The following ABI1 variants were observed in gnomAD, a reference collection of about 807,000 sequenced individuals.
The protein encoded by ABI1 is Abelson interactor 1.
In ABI1, 14 loss-of-function variants were observed where a neutral mutation model predicts 54.6. The observed-to-expected ratio is 0.26, with a 90% CI of 0.17 to 0.40. The LOEUF is 0.40. Among genes scored for constraint, ABI1 ranks in the 10% least tolerant of loss-of-function variants. The pLI is 1.00. For missense variants in ABI1, 443 were observed against 598.3 expected (o/e 0.74, Z 2.71); for synonymous variants, 194 against 209.3 (o/e 0.93, Z 0.63).
intron 10 of ABI1, 105 bp from the exon 11 acceptor site, chr10:26,748,850 T>C (rs947188248): frequency 6.1e-6 from 5 of 823,260 alleles, no homozygotes; most frequent in Admixed American, 2.9e-5. Context: ...AAACTATTTT[T>C]ATGAAGATTT....
intron 1 of ABI1, among the ~76,000 whole-genome samples, chr10:26,855,217 T>C (rs1301756986): frequency 6.6e-6 from 1 of 152,238 alleles, no homozygotes; most frequent in Non-Finnish European, 1.5e-5. Context: ...TTTGGTGATA[T>C]AGGCAAGTCC....
At chr10:26,751,364 C>T (rs1274093404) in intron 10 of ABI1, among the ~76,000 whole-genome samples, 3 of 151,306 alleles carry the variant, frequency 2.0e-5, no homozygotes, top group Non-Finnish European at 4.4e-5. Flanking sequence ...CAGCTGAACG[C>T]ATATGTAGTT....
At chr10:26,766,416 T>A (rs1222824431) in intron 6 of ABI1, among the ~76,000 whole-genome samples, 1 of 152,232 alleles carries the variant, frequency 6.6e-6, no homozygotes, top group Non-Finnish European at 1.5e-5. Context: ...CCATATTATG[T>A]TTTAAAATCT....
At chr10:26,766,094 AAATT>A (rs1479810821) in intron 6 of ABI1, among the ~76,000 whole-genome samples, 3 of 152,196 alleles carry the variant, frequency 2.0e-5, no homozygotes, top group Admixed American at 6.5e-5. Flanking sequence ...TTCTAGTCTA[AAATT>A]AATATGAAAC....
In ABI1 at chr10:26,768,892, C is replaced by G; in HGVS notation, c.679G>C (p.Gly227Arg). 6.2e-7 allele frequency: 1 copy of G among 1,613,658 alleles called. No homozygotes were observed. The highest frequency in any genetic ancestry group is 8.5e-7 in the Non-Finnish European group (1 of 1,179,736). ...PARLGSQHSPGRTASLNQRPR... is the reference protein window; with the variant it reads ...PARLGSQHSPRRTASLNQRPR... The stretch of plus-strand genomic sequence containing the variant: ...CTCTGATTTAAAGATGCTGTCCTGC[C>G]TGGACTATGCTGACTTCCAAGCCTA... The change falls in exon 6 of 11, where the codon GGC becomes CGC. Residue 227 changes from glycine to arginine, a missense_variant. Transcript: ENST00000376140.
intron 9 of ABI1, among the ~76,000 whole-genome samples, chr10:26,755,157 G>A (rs527732140): frequency 2.0e-5 from 3 of 152,082 alleles, no homozygotes; most frequent in Admixed American, 6.5e-5. Flanking sequence ...GAACCTTTAC[G>A]TAGGTTCAAT....
intron 7 of ABI1, chr10:26,763,850 T>A: frequency 6.3e-7 from 1 of 1,581,060 alleles, no homozygotes; most frequent in Non-Finnish European, 8.7e-7. Flanking sequence ...TAAAGTGAGT[T>A]CAATGGCTCC....
intron 1 of ABI1, among the ~76,000 whole-genome samples, chr10:26,830,920 A>T (rs962017905): frequency 1.3e-5 from 2 of 152,098 alleles, no homozygotes; most frequent in African/African-American, 4.8e-5. Flanking sequence ...TTTTAAAGAC[A>T]GTGTCTTTCT....
chr10:26,853,311 T>A lies in ABI1; in HGVS notation c.117+7436A>T, dbSNP rs58113442. Among the ~76,000 whole-genome samples the A allele has an allele frequency of 3.5e-3, 369 of 104,764 alleles. 1 individual carries two copies. The highest frequency in any genetic ancestry group is 0.011 in the African/African-American group (215 of 18,844). 68.7% of individuals were successfully genotyped at this position (104,764 alleles called of 152,430 possible). On this transcript the variant is annotated intron_variant, in intron 1 of 10. Coordinates refer to ENST00000376140, the MANE Select transcript of ABI1 (RefSeq NM_001012750.3). ...TTCTCAACAATGCCCTTTTTTTTTT[T>A]TAAAAAAAATCCCTTTTTTCTAACA... is the stretch of plus-strand genomic sequence containing the variant.
chr10:26,832,466 C>T (rs535955034), intron 1 of ABI1, among the ~76,000 whole-genome samples: 1 of 152,048 alleles, frequency 6.6e-6, no homozygotes, highest in East Asian at 1.9e-4. Flanking sequence ...CGCCTGTAGT[C>T]CCAACTACCT....
chr10:26,823,381 G>A lies in ABI1; in HGVS notation c.118-76C>T. 1.9e-5 allele frequency: 21 copies of A among 1,131,100 alleles called. No homozygotes were observed. The South Asian group carries it at 5.0e-4, about 27-fold the overall frequency. The allele number at this position is 1,131,100 out of a possible 1,614,324, so 70.1% of individuals were successfully genotyped here. A position where few individuals can be genotyped will look rare whatever the true frequency, so the allele number is the denominator to read the frequency against. On this transcript the variant is annotated intron_variant, in intron 1 of 10. Transcript: ENST00000376140. ...AATATATATTCTATAGAAAGGCAAA[G>A]TTATATTATTTTACTAGAGAAATTC...
intron 2 of ABI1, among the ~76,000 whole-genome samples, chr10:26,786,052 A>G (rs760482711): frequency 1.3e-5 from 2 of 152,170 alleles, no homozygotes; most frequent in African/African-American, 2.4e-5. Context: ...ATGGAGGGCA[A>G]AATCTGACTC....
intron 2 of ABI1, among the ~76,000 whole-genome samples, chr10:26,796,340 G>C (rs562004390): frequency 2.6e-4 from 40 of 152,246 alleles, no homozygotes; most frequent in Admixed American, 6.5e-4. Flanking sequence ...AATAACAATA[G>C]TTCCATAAGA....
Position 26,746,635 on chromosome 10 carries a change from T to G in ABI1, c.*1935A>C. The G allele has an allele frequency of 1.4e-6, 1 of 711,282 alleles. No individual in the cohort carries two copies. Among genetic ancestry groups the G allele is most frequent in the Non-Finnish European group, 2.4e-6 (1 of 425,264 alleles). The allele number at this position is 711,282 out of a possible 1,614,324, so 44.1% of individuals were successfully genotyped here. A position where few individuals can be genotyped will look rare whatever the true frequency, so the allele number is the denominator to read the frequency against. ...ATTTTTTTTTATTGCAAAAGTTTTT[T>G]CAGAAAACTTTTTAAATGTAATTAA... On this transcript the variant is annotated 3_prime_UTR_variant, in exon 11 of 11. Transcript: ENST00000376140.
chr10:26,802,385 A>G (rs1321142867), intron 2 of ABI1, among the ~76,000 whole-genome samples: 1 of 152,218 alleles, frequency 6.6e-6, no homozygotes, highest in Non-Finnish European at 1.5e-5. Context: ...TGTCCTATCT[A>G]AAGTGGGTAG....
chr10:26,753,773 G>A (rs1349668767), intron 9 of ABI1, among the ~76,000 whole-genome samples: 1 of 152,148 alleles, frequency 6.6e-6, no homozygotes, highest in Non-Finnish European at 1.5e-5. Flanking sequence ...AAAGAAAACA[G>A]AAACCAAATA....
chr10:26,784,963 TG>T (rs1157343457), intron 2 of ABI1, among the ~76,000 whole-genome samples: 1 of 152,218 alleles, frequency 6.6e-6, no homozygotes, highest in Non-Finnish European at 1.5e-5. Context: ...GAAAGCCACC[TG>T]GCTCTCTTAG....
At chr10:26,779,867 A>T (rs1564488755) in intron 2 of ABI1, among the ~76,000 whole-genome samples, 2 of 152,156 alleles carry the variant, frequency 1.3e-5, no homozygotes, top group Non-Finnish European at 2.9e-5. Context: ...CAACCAGTCT[A>T]CAGACTCCTA....
At chr10:26,826,110 C>T (rs4749190) in intron 1 of ABI1, among the ~76,000 whole-genome samples, 10,334 of 152,234 alleles carry the variant, frequency 0.068, 391 homozygotes, top group East Asian at 0.14. Flanking sequence ...TTTCAATTTA[C>T]TTTTCCCAAG....
Sources: allele counts gnomAD v4.1 joint callset (sites outside exome capture counted in the v4.1 genomes callset), GRCh38; gene constraint gnomAD v4.1.1; transcripts MANE v1.5; gene names NCBI Gene and HGNC (gene_info 2026-07-23, HGNC 2026-07-21).